RIF1: variants seen among roughly 807,000 people sequenced by gnomAD.
RIF1 encodes replication timing regulatory factor 1.
RIF1 carries 45 observed loss-of-function variants against 247.1 expected under a neutral mutation model. The observed-to-expected ratio is 0.18, with a 90% CI of 0.14 to 0.23. The LOEUF (loss-of-function observed/expected upper bound fraction) is 0.23, where lower values mean the gene tolerates loss of function less well. Among genes scored for constraint, RIF1 ranks in the 10% least tolerant of loss-of-function variants. The pLI is 1.00. For synonymous variants in RIF1, 1,087 were observed against 978.8 expected (o/e 1.11, Z -2.06); for missense variants, 2,967 against 2,862.5 (o/e 1.04, Z -0.83).
chr2:151,429,439 C>T lies in RIF1; in HGVS notation c.925+517C>T, dbSNP rs1689674330. Among the ~76,000 whole-genome samples the T allele has an allele frequency of 1.3e-5, 2 of 152,188 alleles. 1 individual carries two copies. The highest frequency in any genetic ancestry group is 4.1e-4 in the South Asian group (2 of 4,828). ...CAAGTGATCCGCCCTCCTTGGCCTC[C>T]CAAATGCTGGGATTACAGGCGTGAG... On this transcript the variant is annotated intron_variant, in intron 9 of 35. Coordinates refer to ENST00000444746, the MANE Select transcript of RIF1 (RefSeq NM_018151.5).
Position 151,464,517 on chromosome 2 carries a change from G to A in RIF1, c.4997G>A (p.Ser1666Asn). 2 of 1,612,234 alleles carry A rather than the reference G, an allele frequency of 1.2e-6. No homozygotes were observed. Reference sequence around the variant, plus strand: ...AAATATGCAGAATATTCCTTTACAAGTCTACCTGTGCCAGAATCAAATCTA... The same window carrying A: ...AAATATGCAGAATATTCCTTTACAAATCTACCTGTGCCAGAATCAAATCTA... ...TSKYAEYSFT[S>N]LPVPESNLRT... The change falls in exon 30 of 36, where the codon AGT becomes AAT. Residue 1666 changes from serine (S) to asparagine (N), a missense_variant. Ser to Asn is a conservative substitution (Grantham distance 46). Around this residue, in one of 7 missense-constraint regions of RIF1, gnomAD observed 2,028 missense variants for 1,825.6 expected, o/e 1.11. Transcript: ENST00000444746.
At chr2:151,508,120 A>AT (rs774106978), downstream of RIF1, 14 of 1,571,852 alleles carry the variant, frequency 8.9e-6, no homozygotes, top group East Asian at 2.9e-4. Flanking sequence ...CTGGGAATAG[A>AT]TTCCAAGAAA....
At position 151,493,948 on chromosome 2, in the gene RIF1, T is replaced by C. The variant is rs4664455; in HGVS notation, c.*416-1281T>C. 0.66 allele frequency: 688,544 copies of C among 1,037,742 alleles called. 230,475 individuals carry two copies. Among genetic ancestry groups the C allele is most frequent in the East Asian group, 0.8 (30,481 of 38,258 alleles). 64.3% of individuals were successfully genotyped at this position (1,037,742 alleles called of 1,614,324 possible). A position where few individuals can be genotyped will look rare whatever the true frequency, so the allele number is the denominator to read the frequency against. ...TTATATTGCAAGTTGGGGGGAAATGTTATGTTTAATCTATTACTATTAGTG... is the reference window on the plus strand; with the variant it reads ...TTATATTGCAAGTTGGGGGGAAATGCTATGTTTAATCTATTACTATTAGTG... On this transcript the variant is annotated intron_variant and NMD_transcript_variant, in intron 9 of 13. Transcript: ENST00000454583.
the RIF1 span, chr2:151,515,000 GA>G: frequency 1.5e-3 from 1,216 of 835,748 alleles, 3 homozygotes; most frequent in East Asian, 2.7e-3. Context: ...ATCTCAGGAA[GA>G]AAAAAAAAAC....
intron 11 of RIF1, among the ~76,000 whole-genome samples, chr2:151,500,601 T>TTC (rs1454177333): frequency 6.7e-6 from 1 of 148,320 alleles, no homozygotes; most frequent in Non-Finnish European, 1.5e-5. Flanking sequence ...TCCTTTTTTT[T>TTC]TTTTTTTTTT....
rs1337182155 is a variant in RIF1 at position 151,466,100 on chromosome 2, A to G, written c.6580A>G (p.Ile2194Val). Reference protein sequence around the residue: ...RGLKRSQEDEISSPVNKVRRV... With the variant: ...RGLKRSQEDEVSSPVNKVRRV... The stretch of plus-strand genomic sequence containing the variant: ...ACTAAAAAGATCCCAAGAAGATGAA[A>G]TCTCATCACCTGTTAATAAGGTAAG... The change falls in exon 30 of 36, where the codon ATC becomes GTC. Residue 2194 changes from isoleucine to valine, a missense_variant. Coordinates refer to ENST00000444746, the MANE Select transcript of RIF1 (RefSeq NM_018151.5). The G allele has an allele frequency of 6.3e-7, 1 of 1,587,006 alleles. No homozygotes were observed. Among genetic ancestry groups the G allele is most frequent in the Non-Finnish European group, 8.6e-7 (1 of 1,162,998 alleles).
chr2:151,489,901 T>C, intron 9 of RIF1: 1 of 1,217,172 alleles, frequency 8.2e-7, no homozygotes, highest in Middle Eastern at 1.9e-4. Context: ...TAATACCTAA[T>C]ACTTATAATC....
At chr2:151,497,944 G>GTTA (rs2061418884) in intron 10 of RIF1, 4 of 1,444,072 alleles carry the variant, frequency 2.8e-6, no homozygotes, top group Admixed American at 5.8e-5. Flanking sequence ...AGTTATCCAT[G>GTTA]TTATTTTTTT....
At chr2:151,508,456 C>T (rs931542288), downstream of RIF1, among the ~76,000 whole-genome samples, 13 of 152,196 alleles carry the variant, frequency 8.5e-5, no homozygotes, top group Non-Finnish European at 1.8e-4. Flanking sequence ...CAGTAGTCCT[C>T]GCTGGGCTGG....
chr2:151,474,703 T>C (rs1414565984), intron 35 of RIF1, among the ~76,000 whole-genome samples, 154 bp from the exon 36 acceptor site: 2 of 152,132 alleles, frequency 1.3e-5, no homozygotes, highest in African/African-American at 2.4e-5. Flanking sequence ...CAGCGGCAGC[T>C]CTGGTAGATT....
In RIF1 at chr2:151,464,088, A is replaced by G. The variant is rs886285172; in HGVS notation, c.4568A>G (p.Asp1523Gly). Residue 1523 changes from aspartate (D) to glycine (G), a missense_variant, in exon 30 of 36, where the codon GAT (aspartate) becomes GGT (glycine). Physicochemically the swap from Asp to Gly is moderately conservative, Grantham distance 94 (BLOSUM62 -1). This residue lies in a region of RIF1 where 2,028 missense variants were observed against 1,825.6 expected (regional missense o/e 1.11). Coordinates refer to ENST00000444746, the MANE Select transcript of RIF1 (RefSeq NM_018151.5). ...GGGGATGGTACCCAGGACATTGTAG[A>G]TAAGTCCTCTGAGAAACTAGTCAGA... ...SEGDGTQDIV[D>G]KSSEKLVRGR... 4.3e-6 allele frequency: 7 copies of G among 1,612,766 alleles called. No homozygotes were observed. Among genetic ancestry groups the G allele is most frequent in the Admixed American group, 1.7e-5 (1 of 59,776 alleles).
chr2:151,436,989 T>G lies in RIF1; in HGVS notation c.1358T>G (p.Leu453Arg). The change falls in exon 12 of 36, where the codon CTT becomes CGT. Residue 453 changes from leucine to arginine, a missense_variant. Transcript: ENST00000444746. ...EALSFAKQNK[L>R]VLSLEPLEHP... The stretch of plus-strand genomic sequence containing the variant: ...TTGAGTTTTGCTAAGCAAAATAAAC[T>G]TGTGCTGAGCTTAGGTATTTAAAGG... 1 of 1,612,432 alleles carries G rather than the reference T, an allele frequency of 6.2e-7. No homozygotes were observed. Among genetic ancestry groups the G allele is most frequent in the Non-Finnish European group, 8.5e-7 (1 of 1,179,510 alleles).
At position 151,463,138 on chromosome 2, in the gene RIF1, T is replaced by G; in HGVS notation, c.3618T>G (p.Thr1206=). The change falls in exon 30 of 36, where the codon ACT becomes ACG. Residue 1206 remains threonine, a synonymous_variant. Coordinates refer to ENST00000444746, the MANE Select transcript of RIF1 (RefSeq NM_018151.5). ...VVSSSSVSNT[T]VAGTPPYPTS... The stretch of plus-strand genomic sequence containing the variant: ...GCAGTAGTTCAGTTTCTAATACCAC[T>G]GTTGCTGGAACTCCCCCATACCCTA... The G allele has an allele frequency of 6.2e-7, 1 of 1,614,158 alleles. No homozygotes were observed. Among genetic ancestry groups the G allele is most frequent in the African/African-American group, 1.3e-5 (1 of 75,076 alleles).
At chr2:151,519,858 T>C in the RIF1 span, 2 of 821,828 alleles carry the variant, frequency 2.4e-6, no homozygotes, top group Non-Finnish European at 4.2e-6. Flanking sequence ...CCAAAGAATA[T>C]GCATTGTACA....
the RIF1 span, chr2:151,519,076 G>A: frequency 1.3e-6 from 2 of 1,566,286 alleles, no homozygotes; most frequent in Non-Finnish European, 1.8e-6. Context: ...TAACCTGTGT[G>A]TTATGGGGGA....
intron 9 of RIF1, among the ~76,000 whole-genome samples, chr2:151,430,024 C>CTT (rs762360765): frequency 1.4e-5 from 2 of 145,300 alleles, no homozygotes; most frequent in Non-Finnish European, 3.0e-5. Context: ...TGTATAATAA[C>CTT]TTTTTTTTTT....
chr2:151,519,949 C>A, the RIF1 span: 1 of 456,738 alleles, frequency 2.2e-6, no homozygotes. Flanking sequence ...AATGACAAGA[C>A]AACAGGCATT....
chr2:151,414,717 G>C, intron 3 of RIF1, 106 bp from the exon 4 acceptor site: 2 of 690,228 alleles, frequency 2.9e-6, no homozygotes, highest in South Asian at 3.9e-5. Flanking sequence ...TCAAGGATTT[G>C]TTGGAGTAAC....
chr2:151,491,604 C>CTGG, intron 9 of RIF1: 1 of 1,222,794 alleles, frequency 8.2e-7, no homozygotes, highest in Non-Finnish European at 1.2e-6. Flanking sequence ...GAAGGAACTT[C>CTGG]AGAGCCCAAA....
Sources: allele counts gnomAD v4.1 joint callset (sites outside exome capture counted in the v4.1 genomes callset), GRCh38; gene constraint gnomAD v4.1.1; regional missense constraint gnomAD v4.1.1; transcripts MANE v1.5; gene names NCBI Gene and HGNC (gene_info 2026-07-23, HGNC 2026-07-21).